The following ADAMTSL3 variants were observed in gnomAD, a reference collection of about 807,000 sequenced individuals.
ADAMTSL3 encodes ADAMTS-like protein 3.
Under a neutral mutation model 201.7 loss-of-function variants are expected in ADAMTSL3, and 128 were observed. That is an observed-to-expected ratio of 0.63 (90% CI 0.55 to 0.73). The LOEUF is 0.73. Ranked by LOEUF, ADAMTSL3 falls within the 30% of genes least tolerant of loss-of-function variation. The probability of loss-of-function intolerance (pLI) is 0.00; values close to 1 mark genes in which losing one functional copy is unlikely to be tolerated. For missense variants in ADAMTSL3, 1,990 were observed against 2,119.6 expected, an observed-to-expected ratio of 0.94 and a Z score of 1.20; for synonymous variants, 738 against 748.4, an observed-to-expected ratio of 0.99 and a Z score of 0.23.
At chr15:83,879,005 A>G (rs1007417076) in intron 9 of ADAMTSL3, among the ~76,000 whole-genome samples, 2 of 152,102 alleles carry the variant, frequency 1.3e-5, no homozygotes, top group African/African-American at 4.8e-5. Flanking sequence ...TTTTGTTTCA[A>G]TGAATTTGTC....
chr15:83,728,180 T>C (rs993614806), intron 3 of ADAMTSL3, among the ~76,000 whole-genome samples: 3 of 151,986 alleles, frequency 2.0e-5, no homozygotes, highest in Non-Finnish European at 4.4e-5. Flanking sequence ...CAGCTACCCC[T>C]GCTCTTTCTT....
At chr15:83,695,123 G>T (rs2061662217) in intron 2 of ADAMTSL3, among the ~76,000 whole-genome samples, 1 of 140,104 alleles carries the variant, frequency 7.1e-6, no homozygotes, top group Non-Finnish European at 1.6e-5. Context: ...TGGTGTGTGT[G>T]TGTGGGGGTA....
intron 17 of ADAMTSL3, among the ~76,000 whole-genome samples, chr15:83,932,646 C>T (rs1475418790): frequency 1.3e-5 from 2 of 152,016 alleles, no homozygotes; most frequent in Non-Finnish European, 2.9e-5. Flanking sequence ...ACAAGTAGCC[C>T]TTTATGTAGG....
At chr15:83,674,474 A>C (rs2061367270) in intron 2 of ADAMTSL3, among the ~76,000 whole-genome samples, 1 of 151,710 alleles carries the variant, frequency 6.6e-6, no homozygotes, top group Non-Finnish European at 1.5e-5. Flanking sequence ...CCATTGATCT[A>C]TGTATCTATT....
intron 2 of ADAMTSL3, among the ~76,000 whole-genome samples, chr15:83,699,676 G>T (rs936222040): frequency 3.9e-5 from 6 of 152,062 alleles, no homozygotes; most frequent in African/African-American, 1.4e-4. Context: ...TATCCATTTC[G>T]TGCCACTGTT....
chr15:83,873,794 G>A lies in ADAMTSL3; in HGVS notation c.960+2835G>A, dbSNP rs964467366. ...CTGTACTTCACCATCTGCTTTGTCA[G>A]CAGAGCTGTTTGCCCTGCGGATTTG... On this transcript the variant is annotated intron_variant, in intron 9 of 29. Coordinates refer to ENST00000286744, the MANE Select transcript of ADAMTSL3 (RefSeq NM_207517.3). Among the ~76,000 whole-genome samples the A allele has an allele frequency of 4.1e-5, 6 of 145,928 alleles. 1 individual carries two copies. The highest frequency in any genetic ancestry group is 1.6e-4 in the African/African-American group (6 of 38,292).
intron 2 of ADAMTSL3, among the ~76,000 whole-genome samples, chr15:83,702,023 A>G (rs1469186783): frequency 6.6e-6 from 1 of 152,212 alleles, no homozygotes; most frequent in South Asian, 2.1e-4. Flanking sequence ...ATGAATGAAA[A>G]GGTCCAGGCT....
At chr15:83,661,463 A>G (rs1282947977) in intron 2 of ADAMTSL3, among the ~76,000 whole-genome samples, 1 of 152,026 alleles carries the variant, frequency 6.6e-6, no homozygotes, top group East Asian at 1.9e-4. Flanking sequence ...TTCCTTGAGC[A>G]GAGGTTTGTA....
At chr15:83,827,105 G>A (rs1434772873) in intron 6 of ADAMTSL3, among the ~76,000 whole-genome samples, 1 of 152,164 alleles carries the variant, frequency 6.6e-6, no homozygotes, top group Non-Finnish European at 1.5e-5. Context: ...CACAATGGTT[G>A]AACCAGTTTA....
chr15:83,796,476 A>G (rs1328000164), intron 4 of ADAMTSL3, among the ~76,000 whole-genome samples: 2 of 152,224 alleles, frequency 1.3e-5, no homozygotes, highest in African/African-American at 2.4e-5. Context: ...TAAGACCTTT[A>G]TGGAAGATTT....
At chr15:83,913,428 T>C in intron 16 of ADAMTSL3, 50 bp downstream of exon 16, 1 of 1,572,438 alleles carries the variant, frequency 6.4e-7, no homozygotes, top group Admixed American at 1.7e-5. Flanking sequence ...TTGCTAGTGG[T>C]TTGAGAAATT....
chr15:83,942,761 T>C lies in ADAMTSL3; in HGVS notation c.2283T>C (p.Pro761=), dbSNP rs2066585391. Residue 761 remains proline (P), a synonymous_variant, in exon 18 of 30, where the codon CCT becomes CCC. Coordinates refer to ENST00000286744, the MANE Select transcript of ADAMTSL3 (RefSeq NM_207517.3). Reference sequence around the variant, plus strand: ...CATGCAATCAGTTTGACTGCCCTCCTGGCTGGCACATTGAAGAATGGCAGC... The same window carrying C: ...CATGCAATCAGTTTGACTGCCCTCCCGGCTGGCACATTGAAGAATGGCAGC... ...LQACNQFDCP[P]GWHIEEWQQC... 6.2e-7 allele frequency: 1 copy of C among 1,613,816 alleles called. No homozygotes were observed. The highest frequency in any genetic ancestry group is 8.5e-7 in the Non-Finnish European group (1 of 1,179,902).
intron 7 of ADAMTSL3, among the ~76,000 whole-genome samples, 194 bp from the exon 8 acceptor site, chr15:83,858,572 C>T (rs1452187421): frequency 6.6e-6 from 1 of 152,112 alleles, no homozygotes; most frequent in Non-Finnish European, 1.5e-5. Context: ...GGGGTTTCAC[C>T]ATCTTGGCCA....
At chr15:83,944,533 C>T (rs2066619657) in intron 19 of ADAMTSL3, among the ~76,000 whole-genome samples, 1 of 152,180 alleles carries the variant, frequency 6.6e-6, no homozygotes, top group South Asian at 2.1e-4. Flanking sequence ...TGACCTGCTC[C>T]TCTCATATCA....
intron 28 of ADAMTSL3, among the ~76,000 whole-genome samples, chr15:84,034,135 G>A (rs1468478122): frequency 6.6e-6 from 1 of 152,112 alleles, no homozygotes; most frequent in Non-Finnish European, 1.5e-5. Context: ...ATGGATGAGG[G>A]ATGAAGTTGG....
At chr15:83,672,574 A>G (rs745426854) in intron 2 of ADAMTSL3, among the ~76,000 whole-genome samples, 1 of 152,208 alleles carries the variant, frequency 6.6e-6, no homozygotes, top group African/African-American at 2.4e-5. Flanking sequence ...AAAGTTGCCC[A>G]TTTGTTGGCA....
intron 23 of ADAMTSL3, among the ~76,000 whole-genome samples, chr15:84,005,196 G>T (rs1273232440): frequency 6.6e-6 from 1 of 152,172 alleles, no homozygotes; most frequent in African/African-American, 2.4e-5. Context: ...TAGTCCTCTG[G>T]GGTTTTGCTG....
At chr15:83,975,516 G>A (rs2067272545) in intron 20 of ADAMTSL3, among the ~76,000 whole-genome samples, 1 of 151,836 alleles carries the variant, frequency 6.6e-6, no homozygotes, top group Non-Finnish European at 1.5e-5. Flanking sequence ...CTTCCTGCAG[G>A]GTCCCAGGAC....
intron 19 of ADAMTSL3, chr15:83,961,946 T>C (rs975151491): frequency 6.6e-6 from 1 of 152,130 alleles, no homozygotes; most frequent in Non-Finnish European, 1.5e-5. Flanking sequence ...AGAGATGAGG[T>C]AGATGATATA....
Sources: gnomAD v4.1 joint callset for allele counts (sites outside exome capture counted in the v4.1 genomes callset) on GRCh38, gnomAD v4.1.1 for gene constraint, MANE v1.5 for transcripts, NCBI Gene and HGNC (gene_info 2026-07-23, HGNC 2026-07-21) for gene names.